GLE1: variants seen among roughly 807,000 people sequenced by gnomAD.
The protein encoded by GLE1 is mRNA export factor GLE1.
In GLE1, 78 loss-of-function variants were observed where a neutral mutation model predicts 97.3. That is an observed-to-expected ratio of 0.80 (90% confidence interval 0.67 to 0.97). The LOEUF is 0.97. GLE1 is among the 50% of genes least tolerant of loss of function. The pLI, the probability that GLE1 is intolerant of heterozygous loss-of-function variation, is 0.00. For synonymous variants in GLE1, 302 were observed against 313.4 expected, an observed-to-expected ratio of 0.96 and a Z score of 0.39; for missense variants, 753 against 857.5, an observed-to-expected ratio of 0.88 and a Z score of 1.52.
Position 128,527,439 on chromosome 9 carries a change from C to T in GLE1, c.1243-17C>T. 6.3e-7 allele frequency: 1 copy of T among 1,587,210 alleles called. No homozygotes were observed. The highest frequency in any genetic ancestry group is 8.7e-7 in the Non-Finnish European group (1 of 1,155,538). ...AGCTCTTCAGAACACTGCTTTCTCA[C>T]TGTTCTCTTCTGGCAGGCCAAAAAG... On this transcript the variant is annotated splice_polypyrimidine_tract_variant and intron_variant, in intron 8 of 15. Transcript: ENST00000309971.
Position 128,515,642 on chromosome 9 carries a change from A to C in GLE1, c.432+3A>C, listed in dbSNP as rs753795376. On this transcript the variant is annotated splice_donor_region_variant and intron_variant, in intron 3 of 15. Transcript: ENST00000309971. ...TGGTACACAGAATGAAAGGAACAGT[A>C]AGTGAACCCATGAAGGAAGGCAGCC... is the stretch of plus-strand genomic sequence containing the variant. 6.7e-7 allele frequency: 1 copy of C among 1,492,430 alleles called. No homozygotes were observed. Among genetic ancestry groups the C allele is most frequent in the Non-Finnish European group, 9.4e-7 (1 of 1,069,450 alleles). The allele number at this position is 1,492,430 out of a possible 1,614,324, so 92.4% of individuals were successfully genotyped here.
chr9:128,528,307 T>C (rs182218889), intron 9 of GLE1, among the ~76,000 whole-genome samples: 4,682 of 135,912 alleles, frequency 0.034, 200 homozygotes, highest in African/African-American at 0.1. Context: ...CCCAGCCCCC[T>C]TTTTTTTTTT....
rs759080303 is a variant in GLE1, at chr9:128,525,250, G to A, written c.956G>A (p.Arg319Gln). The A allele has an allele frequency of 8.7e-6, 14 of 1,613,994 alleles. No individual in the cohort carries two copies. Among genetic ancestry groups the A allele is most frequent in the Middle Eastern group, 1.6e-4 (1 of 6,084 alleles). ...AEAERALREM[R>Q]DLLMNLGQEI... Reference sequence around the variant, plus strand: ...GCTGAGCGAGCTCTGCGGGAAATGCGGGACCTCCTGATGAACTTGGGGCAG... The same window carrying A: ...GCTGAGCGAGCTCTGCGGGAAATGCAGGACCTCCTGATGAACTTGGGGCAG... Residue 319 changes from arginine (R) to glutamine (Q), a missense_variant, in exon 7 of 16, where the codon CGG becomes CAG. Coordinates refer to ENST00000309971, the MANE Select transcript of GLE1 (RefSeq NM_001003722.2).
chr9:128,506,143 C>T (rs1846635002), intron 1 of GLE1, among the ~76,000 whole-genome samples: 2 of 152,070 alleles, frequency 1.3e-5, no homozygotes, highest in Admixed American at 6.5e-5. Context: ...GTCAAGAGTT[C>T]GCGACCAGCC....
At chr9:128,519,361 C>T (rs536773310) in intron 3 of GLE1, among the ~76,000 whole-genome samples, 37 of 152,278 alleles carry the variant, frequency 2.4e-4, no homozygotes, top group East Asian at 9.7e-4. Context: ...GGAGAAATAT[C>T]GCTGAATTCT....
intron 6 of GLE1, 33 bp downstream of exon 6, chr9:128,523,879 C>T (rs1847225897): frequency 6.2e-7 from 1 of 1,611,462 alleles, no homozygotes; most frequent in South Asian, 1.1e-5. Flanking sequence ...TCTTTGCTGT[C>T]TTTGAAATGG....
At chr9:128,515,288 CAT>C (rs1263260236) in intron 2 of GLE1, among the ~76,000 whole-genome samples, 2 of 152,040 alleles carry the variant, frequency 1.3e-5, no homozygotes, top group Non-Finnish European at 2.9e-5. Context: ...TCAAAAAAAA[CAT>C]AGAAAAACCC....
At chr9:128,517,800 T>G (rs555909649) in intron 3 of GLE1, among the ~76,000 whole-genome samples, 1 of 152,290 alleles carries the variant, frequency 6.6e-6, no homozygotes, top group African/African-American at 2.4e-5. Context: ...TTTCATGAGT[T>G]TTTTTGTATT....
intron 15 of GLE1, chr9:128,540,608 T>A (rs1847857907): frequency 2.5e-6 from 1 of 392,698 alleles, no homozygotes; most frequent in Non-Finnish European, 4.7e-6. Context: ...TTAATATATA[T>A]TTTTTTTGCA....
At chr9:128,536,790 A>G (rs1457487165) in intron 12 of GLE1, 1 of 357,532 alleles carries the variant, frequency 2.8e-6, no homozygotes, top group East Asian at 7.1e-5. Context: ...TCATCTTAGA[A>G]CTAGTTGAGA....
intron 1 of GLE1, among the ~76,000 whole-genome samples, chr9:128,508,014 C>T (rs2132401713): frequency 6.6e-6 from 1 of 152,068 alleles, no homozygotes; most frequent in East Asian, 1.9e-4. Context: ...AACCCCGTAT[C>T]TACTAAAAGT....
rs750362620 is a variant in GLE1, at chr9:128,515,635, G to C, written c.428G>C (p.Gly143Ala). 6.5e-7 allele frequency: 1 copy of C among 1,543,720 alleles called. No individual in the cohort carries two copies. The highest frequency in any genetic ancestry group is 1.1e-5 in the South Asian group (1 of 89,644). ...TACGAACTGGTACACAGAATGAAAG[G>C]AACAGTAAGTGAACCCATGAAGGAA... is the stretch of plus-strand genomic sequence containing the variant. Reference protein sequence around the residue: ...RMYELVHRMKGTEGLRLWQEE... With the variant: ...RMYELVHRMKATEGLRLWQEE... The change falls in exon 3 of 16, where the codon GGA becomes GCA. Residue 143 changes from glycine to alanine, a missense_variant. By Grantham distance (60) the Gly-to-Ala change is moderately conservative. Coordinates refer to ENST00000309971, the MANE Select transcript of GLE1 (RefSeq NM_001003722.2).
intron 7 of GLE1, among the ~76,000 whole-genome samples, chr9:128,526,291 A>T (rs1847298542): frequency 6.6e-6 from 1 of 151,600 alleles, no homozygotes; most frequent in African/African-American, 2.4e-5. Flanking sequence ...AAATGCTAGG[A>T]TTACAGGTGT....
chr9:128,508,583 G>A (rs1436466903), intron 1 of GLE1, among the ~76,000 whole-genome samples: 3 of 152,134 alleles, frequency 2.0e-5, no homozygotes, highest in Admixed American at 6.5e-5. Context: ...AGAATTCCTC[G>A]TGTTCTGTTC....
At chr9:128,527,734 G>T (rs1174870653) in intron 9 of GLE1, among the ~76,000 whole-genome samples, 2 of 152,056 alleles carry the variant, frequency 1.3e-5, no homozygotes, top group African/African-American at 4.8e-5. Flanking sequence ...GGGAGGCCGA[G>T]GTGGGCGGAT....
chr9:128,506,537 T>C (rs1299731947), intron 1 of GLE1, among the ~76,000 whole-genome samples: 4 of 152,338 alleles, frequency 2.6e-5, no homozygotes, highest in African/African-American at 9.6e-5. Flanking sequence ...CAAGTTTCCC[T>C]GTCTTAATCC....
At chr9:128,504,940 G>A (rs958797470) in intron 1 of GLE1, 36 bp downstream of exon 1, 46 of 1,413,550 alleles carry the variant, frequency 3.3e-5, no homozygotes, top group Non-Finnish European at 4.5e-5. Flanking sequence ...GGCCTTTCCG[G>A]CCCCTCGCGA....
intron 2 of GLE1, among the ~76,000 whole-genome samples, chr9:128,513,799 G>A (rs970560283): frequency 2.0e-5 from 3 of 151,516 alleles, no homozygotes; most frequent in African/African-American, 7.3e-5. Flanking sequence ...GGTGGATCAC[G>A]AGGTCAAGAG....
chr9:128,522,793 C>T lies in GLE1; in HGVS notation c.558C>T (p.Asp186=). 1 of 1,613,908 alleles carries T rather than the reference C, an allele frequency of 6.2e-7. No homozygotes were observed. The highest frequency in any genetic ancestry group is 2.2e-5 in the East Asian group (1 of 44,880). The change falls in exon 4 of 16, where the codon GAC becomes GAT. Residue 186 remains aspartate (D), a synonymous_variant. Coordinates refer to ENST00000309971, the MANE Select transcript of GLE1 (RefSeq NM_001003722.2). ...TGAAGCAGCATAAAGAATTCCAGGA[C>T]TTGCGGGAAGTAATGGAGAAGAGGT... The part of the protein sequence containing the change: ...KELKQHKEFQ[D]LREVMEKSSR...
Sources: gnomAD v4.1 joint callset for allele counts (sites outside exome capture counted in the v4.1 genomes callset) on GRCh38, gnomAD v4.1.1 for gene constraint, MANE v1.5 for transcripts, NCBI Gene and HGNC (gene_info 2026-07-23, HGNC 2026-07-21) for gene names.